Variants in TRHDE observed in about 807,000 individuals in gnomAD.
TRHDE encodes thyrotropin releasing hormone degrading enzyme.
Under a neutral mutation model 125.7 loss-of-function variants are expected in TRHDE, and 72 were observed. The ratio of observed to expected loss-of-function variants is 0.57; its 90% CI spans 0.47 to 0.70. The LOEUF is 0.70. Ranked by LOEUF, TRHDE falls within the 30% of genes least tolerant of loss-of-function variation. The probability of loss-of-function intolerance (pLI) is 0.00; values close to 1 mark genes in which losing one functional copy is unlikely to be tolerated. For missense variants in TRHDE, 1,110 were observed against 1,327.1 expected (o/e 0.84, Z 2.54); for synonymous variants, 509 against 509.1 (o/e 1.00, Z 0.00).
At chr12:72,171,997 A>G (rs1876884522) in intron 2 of TRHDE, among the ~76,000 whole-genome samples, 1 of 152,136 alleles carries the variant, frequency 6.6e-6, no homozygotes, top group Non-Finnish European at 1.5e-5. Flanking sequence ...TTCTCCCAAA[A>G]CCTAATAACA....
chr12:72,365,422 G>A (rs77502093), intron 2 of TRHDE, among the ~76,000 whole-genome samples: 1,600 of 152,230 alleles, frequency 0.011, 35 homozygotes, highest in African/African-American at 0.036. Context: ...AGGCCCAGGA[G>A]TCTGAATTTC....
In TRHDE at chr12:72,667,733, C is replaced by T. The variant is rs899126418; in HGVS notation, c.*4538C>T. The T allele has an allele frequency of 1.3e-5, 2 of 151,454 alleles. No homozygotes were observed. Among genetic ancestry groups the T allele is most frequent in the African/African-American group, 4.8e-5 (2 of 41,328 alleles). 9.4% of individuals were successfully genotyped at this position (151,454 alleles called of 1,614,324 possible). The stretch of plus-strand genomic sequence containing the variant: ...ATTTTTATTGTTTGATTTCCTAGTG[C>T]TTACTTGTGTTTTACAGAAATATGT... On this transcript the variant is annotated 3_prime_UTR_variant, in exon 19 of 19. Coordinates refer to ENST00000261180, the MANE Select transcript of TRHDE (RefSeq NM_013381.3).
chr12:72,297,541 A>T (rs915715198), intron 2 of TRHDE, among the ~76,000 whole-genome samples: 1 of 152,228 alleles, frequency 6.6e-6, no homozygotes, highest in Non-Finnish European at 1.5e-5. Flanking sequence ...GGTTGGGAGA[A>T]TCTCTGAAAA....
intron 15 of TRHDE, among the ~76,000 whole-genome samples, chr12:72,643,076 G>A (rs1020801493): frequency 3.9e-5 from 6 of 152,178 alleles, no homozygotes; most frequent in African/African-American, 1.4e-4. Flanking sequence ...ATAGGCATGA[G>A]TAAAAATGAT....
intron 12 of TRHDE, among the ~76,000 whole-genome samples, chr12:72,604,542 G>A (rs1043724783): frequency 1.3e-5 from 2 of 152,076 alleles, no homozygotes; most frequent in African/African-American, 2.4e-5. Flanking sequence ...TCTTGTATCA[G>A]TGGTTCTCTT....
chr12:72,298,072 A>G (rs1050458017), intron 2 of TRHDE, among the ~76,000 whole-genome samples: 8 of 152,220 alleles, frequency 5.3e-5, no homozygotes, highest in African/African-American at 1.2e-4. Flanking sequence ...GTTTTGTTAT[A>G]TAATCTACAG....
Position 72,657,009 on chromosome 12 carries a change from G to A in TRHDE, c.3066+1G>A. Reference sequence around the variant, plus strand: ...TAATACTGAAGGTGAACTCAAAGAGGTAAATATTTTAAGATGAAGTCTAAT... The same window carrying A: ...TAATACTGAAGGTGAACTCAAAGAGATAAATATTTTAAGATGAAGTCTAAT... On this transcript the variant is annotated splice_donor_variant, in intron 18 of 18. Coordinates refer to ENST00000261180, the MANE Select transcript of TRHDE (RefSeq NM_013381.3). LOFTEE classifies it high-confidence loss of function. The A allele has an allele frequency of 6.4e-7, 1 of 1,561,958 alleles. No homozygotes were observed. Among genetic ancestry groups the A allele is most frequent in the South Asian group, 1.1e-5 (1 of 88,654 alleles).
At chr12:72,596,179 A>T (rs1413041704) in intron 12 of TRHDE, among the ~76,000 whole-genome samples, 1 of 152,110 alleles carries the variant, frequency 6.6e-6, no homozygotes, top group East Asian at 1.9e-4. Flanking sequence ...CAGTATGCAA[A>T]ATGTAATTTT....
intron 3 of TRHDE, among the ~76,000 whole-genome samples, chr12:72,425,747 G>A (rs867319051): frequency 4.0e-4 from 60 of 151,856 alleles, no homozygotes; most frequent in African/African-American, 1.4e-3. Context: ...TCTTATTATT[G>A]GTGGAAATTA....
intron 2 of TRHDE, among the ~76,000 whole-genome samples, chr12:72,375,428 C>T (rs564164295): frequency 6.6e-6 from 1 of 152,234 alleles, no homozygotes; most frequent in South Asian, 2.1e-4. Flanking sequence ...TCTTGACAAG[C>T]AGATTAATTT....
intron 2 of TRHDE, among the ~76,000 whole-genome samples, chr12:72,207,975 C>G (rs1359930922): frequency 1.3e-5 from 2 of 152,198 alleles, no homozygotes; most frequent in African/African-American, 4.8e-5. Flanking sequence ...AGTGTCTCAG[C>G]ACTGTCGCTG....
chr12:72,662,952 A>ATTGT (rs1592602795), intron 18 of TRHDE, 100 bp from the exon 19 acceptor site: 1 of 1,270,876 alleles, frequency 7.9e-7, no homozygotes, highest in South Asian at 1.5e-5. Flanking sequence ...TTTCAAATAT[A>ATTGT]TTGTTTTTTA....
chr12:72,638,122 T>C (rs1364052537), intron 15 of TRHDE, among the ~76,000 whole-genome samples: 1 of 147,152 alleles, frequency 6.8e-6, no homozygotes, highest in African/African-American at 2.5e-5. Flanking sequence ...TCTCCCATTA[T>C]TAATGTGTGG....
At chr12:72,446,137 C>T (rs555364221) in intron 3 of TRHDE, among the ~76,000 whole-genome samples, 20 of 147,764 alleles carry the variant, frequency 1.4e-4, no homozygotes, top group South Asian at 2.1e-4. Context: ...GGGTGGGGCC[C>T]GATTGTGCAT....
At chr12:72,263,395 A>ATGTTTTGTTT (rs145589223) in intron 2 of TRHDE, 1 of 150,592 alleles carries the variant, frequency 6.6e-6, no homozygotes, top group Non-Finnish European at 1.5e-5. Flanking sequence ...GTGTGTGTGC[A>ATGTTTTGTTT]TGTTTTGTTT....
chr12:72,177,123 G>GTT (rs987591550), intron 2 of TRHDE, among the ~76,000 whole-genome samples: 20 of 144,844 alleles, frequency 1.4e-4, no homozygotes, highest in African/African-American at 4.8e-4. Flanking sequence ...ATCACCAAAG[G>GTT]TTTTTTTTTT....
chr12:72,176,822 A>T (rs938064144), intron 2 of TRHDE, among the ~76,000 whole-genome samples: 1 of 152,254 alleles, frequency 6.6e-6, no homozygotes, highest in Non-Finnish European at 1.5e-5. Flanking sequence ...AAACTAAAAT[A>T]GTCATTTTGA....
At chr12:72,211,874 C>G (rs939427983) in intron 2 of TRHDE, among the ~76,000 whole-genome samples, 1 of 152,100 alleles carries the variant, frequency 6.6e-6, no homozygotes, top group African/African-American at 2.4e-5. Context: ...AGTACTTGCT[C>G]TTATGCAGCT....
intron 1 of TRHDE, among the ~76,000 whole-genome samples, chr12:72,094,436 T>C (rs1386987498): frequency 1.3e-5 from 2 of 152,222 alleles, no homozygotes; most frequent in Admixed American, 1.3e-4. Flanking sequence ...TGGGCAGGAC[T>C]ACTCCCAAAT....
Sources: gnomAD v4.1 joint callset for allele counts (sites outside exome capture counted in the v4.1 genomes callset) on GRCh38, gnomAD v4.1.1 for gene constraint, MANE v1.5 for transcripts, NCBI Gene and HGNC (gene_info 2026-07-23, HGNC 2026-07-21) for gene names.